PTPRA: variants seen among roughly 807,000 people sequenced by gnomAD.
The protein encoded by PTPRA is protein tyrosine phosphatase receptor type A, also known as receptor-type tyrosine-protein phosphatase alpha.
A neutral mutation model predicts 104.8 loss-of-function variants in PTPRA; 25 were observed. The ratio of observed to expected loss-of-function variants is 0.24; its 90% CI spans 0.17 to 0.33. PTPRA has a LOEUF of 0.33. Ranked by LOEUF, PTPRA falls within the 10% of genes least tolerant of loss-of-function variation. The pLI is 1.00. For synonymous variants in PTPRA, 323 were observed against 368.9 expected, an observed-to-expected ratio of 0.88 and a Z score of 1.43; for missense variants, 765 against 1,015.3, an observed-to-expected ratio of 0.75 and a Z score of 3.35.
At chr20:2,891,788 C>T (rs1008225768) in intron 1 of PTPRA, among the ~76,000 whole-genome samples, 1 of 152,000 alleles carries the variant, frequency 6.6e-6, no homozygotes, top group Non-Finnish European at 1.5e-5. Context: ...ACTCAGGTGC[C>T]TTATATAAAA....
At chr20:2,979,982 G>A (rs539905351) in intron 6 of PTPRA, among the ~76,000 whole-genome samples, 21 of 152,104 alleles carry the variant, frequency 1.4e-4, no homozygotes, top group Admixed American at 6.5e-4. Context: ...GCACGATCTC[G>A]GTTCACCGCA....
rs192325033 is a variant in PTPRA, at chr20:2,941,779, C to T, written c.-49-6203C>T. ...TGCCCTTTCTGAGGTTACGGACTGG[C>T]ATGGAGTTCCCTGCCCTCCTTAATG... On this transcript the variant is annotated intron_variant, in intron 2 of 23. Coordinates refer to ENST00000399903, the MANE Select transcript of PTPRA (RefSeq NM_001385305.1). Among the ~76,000 whole-genome samples the T allele has an allele frequency of 6.6e-4, 100 of 152,320 alleles. 1 individual carries two copies. The highest frequency in any genetic ancestry group is 2.2e-3 in the African/African-American group (93 of 41,582).
At chr20:3,019,967 G>A (rs973507343) in intron 13 of PTPRA, among the ~76,000 whole-genome samples, 4 of 151,058 alleles carry the variant, frequency 2.6e-5, no homozygotes, top group African/African-American at 9.7e-5. Context: ...GCAGGCACTC[G>A]GCAGGCTGAG....
At chr20:2,944,678 A>T (rs1400822277) in intron 2 of PTPRA, among the ~76,000 whole-genome samples, 1 of 152,240 alleles carries the variant, frequency 6.6e-6, no homozygotes, top group Non-Finnish European at 1.5e-5. Context: ...GTCTCACTGT[A>T]AAAGGCATGT....
intron 1 of PTPRA, among the ~76,000 whole-genome samples, chr20:2,908,862 G>A (rs534748135): frequency 1.3e-5 from 2 of 152,066 alleles, no homozygotes; most frequent in Non-Finnish European, 2.9e-5. Context: ...AAATAATAAC[G>A]ACTTTTAGTT....
At chr20:3,013,734 G>A (rs182306603) in intron 11 of PTPRA, among the ~76,000 whole-genome samples, 10 of 152,156 alleles carry the variant, frequency 6.6e-5, no homozygotes, top group South Asian at 4.2e-4. Context: ...ATCTTTAGAC[G>A]TGTTTCTTTT....
chr20:2,908,797 G>A (rs181801491), intron 1 of PTPRA, among the ~76,000 whole-genome samples: 84 of 152,108 alleles, frequency 5.5e-4, no homozygotes, highest in Admixed American at 1.4e-3. Context: ...TTTTTGTTTC[G>A]ACATGATGGT....
At chr20:3,028,539 C>G (rs538877318) in intron 20 of PTPRA, among the ~76,000 whole-genome samples, 2 of 152,314 alleles carry the variant, frequency 1.3e-5, no homozygotes, top group Non-Finnish European at 2.9e-5. Flanking sequence ...CATTCAATCT[C>G]AGGGATATCT....
rs553879163 is a variant in PTPRA, at chr20:2,913,982, C to T, written c.-128-9225C>T. On this transcript the variant is annotated intron_variant, in intron 1 of 23. Transcript: ENST00000399903. ...CTTCTACATCCATTCATTGACATTT[C>T]ATTGAAAGGAAAAACTGTTTTCTTC... 4.6e-5 allele frequency among the ~76,000 whole-genome samples: 7 copies of T among 152,256 alleles called. No individual in the cohort carries two copies. The South Asian group carries it at 1.5e-3, about 32-fold the overall frequency.
At chr20:2,913,630 A>G (rs1382581491) in intron 1 of PTPRA, among the ~76,000 whole-genome samples, 1 of 150,752 alleles carries the variant, frequency 6.6e-6, no homozygotes, top group Non-Finnish European at 1.5e-5. Flanking sequence ...CAGATTATGC[A>G]TTTTATCAGA....
Position 2,964,225 on chromosome 20 carries a change from G to A in PTPRA, c.-6-47G>A, listed in dbSNP as rs749724345. On this transcript the variant is annotated intron_variant, in intron 3 of 23. Coordinates refer to ENST00000399903, the MANE Select transcript of PTPRA (RefSeq NM_001385305.1). ...TCTTCTGGTGACCAGCTCAGACATA[G>A]TCCTGATAATATAGGACCTCATCTA... The A allele has an allele frequency of 3.0e-5, 44 of 1,449,066 alleles. No individual in the cohort carries two copies. The Admixed American group carries it at 8.0e-4, about 26-fold the overall frequency. The allele number at this position is 1,449,066 out of a possible 1,614,324, so 89.8% of individuals were successfully genotyped here. A position where few individuals can be genotyped will look rare whatever the true frequency, so the allele number is the denominator to read the frequency against.
chr20:2,949,085 C>G (rs2061262042), intron 3 of PTPRA, among the ~76,000 whole-genome samples: 1 of 152,168 alleles, frequency 6.6e-6, no homozygotes, highest in Admixed American at 6.5e-5. Flanking sequence ...TTTTCTACAA[C>G]TTCTCCCACT....
chr20:2,903,284 A>G (rs557936417), intron 1 of PTPRA, among the ~76,000 whole-genome samples: 16 of 152,268 alleles, frequency 1.1e-4, no homozygotes, highest in Non-Finnish European at 1.8e-4. Flanking sequence ...CCTGTAAATA[A>G]TGTCTGTTTC....
At chr20:2,952,385 A>G (rs953302364) in intron 3 of PTPRA, among the ~76,000 whole-genome samples, 68 of 152,108 alleles carry the variant, frequency 4.5e-4, no homozygotes, top group African/African-American at 1.5e-3. Flanking sequence ...TATCTGTTCA[A>G]ATATTTTGCC....
intron 9 of PTPRA, among the ~76,000 whole-genome samples, chr20:2,995,834 A>C (rs1245371708): frequency 2.6e-5 from 4 of 152,180 alleles, no homozygotes; most frequent in Admixed American, 6.5e-5. Flanking sequence ...ATATTGTCAG[A>C]AGTAATCCTA....
rs1242139210 is a variant in PTPRA at position 2,923,266 on chromosome 20, A to G, written c.-69A>G. ...GAATTCCACTGAGTGGTAATGGATG[A>G]TGCAGTTCAAATAACTAAGGTAAGA... is the stretch of plus-strand genomic sequence containing the variant. On this transcript the variant is annotated 5_prime_UTR_variant, in exon 2 of 24. It removes an upstream start codon present in the reference 5' UTR. Transcript: ENST00000399903. 7.8e-7 allele frequency: 1 copy of G among 1,286,506 alleles called. No homozygotes were observed. The highest frequency in any genetic ancestry group is 2.3e-5 in the Admixed American group (1 of 43,190). 79.7% of individuals were successfully genotyped at this position (1,286,506 alleles called of 1,614,324 possible).
Position 2,949,225 on chromosome 20 carries a change from T to G in PTPRA, c.-7+1201T>G, listed in dbSNP as rs1376498418. Reference sequence around the variant, plus strand: ...ATCAGTGGCTATTTTTGCTAGGGTATAAAAATTACCTATCTAATCACCTTG... The same window carrying G: ...ATCAGTGGCTATTTTTGCTAGGGTAGAAAAATTACCTATCTAATCACCTTG... On this transcript the variant is annotated intron_variant, in intron 3 of 23. Transcript: ENST00000399903. Among the ~76,000 whole-genome samples, 5 of 152,022 alleles carry G rather than the reference T, an allele frequency of 3.3e-5. No homozygotes were observed. In the East Asian group the frequency reaches 9.6e-4, roughly 29 times the overall value.
rs144766586 is a variant in PTPRA at position 3,027,733 on chromosome 20, C to T, written c.1812C>T (p.Ile604=). The T allele has an allele frequency of 3.1e-6, 5 of 1,613,946 alleles. No individual in the cohort carries two copies. The highest frequency in any genetic ancestry group is 1.3e-5 in the African/African-American group (1 of 74,912). The stretch of plus-strand genomic sequence containing the variant: ...GCTACCGGCAGAAGGACTCCTATAT[C>T]GCCAGCCAGGGCCCTCTTCTCCACA... ...IDGYRQKDSY[I]ASQGPLLHTI... The change falls in exon 20 of 24, where the codon ATC becomes ATT. Residue 604 remains isoleucine, a synonymous_variant. Coordinates refer to ENST00000399903, the MANE Select transcript of PTPRA (RefSeq NM_001385305.1).
At position 2,984,683 on chromosome 20, in the gene PTPRA, G is replaced by C. The variant is rs73581784; in HGVS notation, c.443-2082G>C. Among the ~76,000 whole-genome samples, 477 of 152,186 alleles carry C rather than the reference G, an allele frequency of 3.1e-3. 1 individual carries two copies. Among genetic ancestry groups the C allele is most frequent in the African/African-American group, 0.011 (445 of 41,512 alleles). On this transcript the variant is annotated intron_variant, in intron 6 of 23. Coordinates refer to ENST00000399903, the MANE Select transcript of PTPRA (RefSeq NM_001385305.1). ...AATTAAATCCACAATCATTACAATGGACTCCCAAGTCCTAAGTCTGCTGGC... is the reference window on the plus strand; with the variant it reads ...AATTAAATCCACAATCATTACAATGCACTCCCAAGTCCTAAGTCTGCTGGC...
Sources: allele counts gnomAD v4.1 joint callset (sites outside exome capture counted in the v4.1 genomes callset), GRCh38; gene constraint gnomAD v4.1.1; transcripts MANE v1.5; gene names NCBI Gene and HGNC (gene_info 2026-07-23, HGNC 2026-07-21).